The following NCBP3 variants were observed in gnomAD, a reference collection of about 807,000 sequenced individuals.
NCBP3 encodes the protein nuclear cap-binding protein subunit 3.
In NCBP3, 20 loss-of-function variants were observed where a neutral mutation model predicts 75.7. That is an observed-to-expected ratio of 0.26 (90% CI 0.19 to 0.38). The LOEUF (loss-of-function observed/expected upper bound fraction) is 0.38. Ranked by LOEUF, NCBP3 falls within the 10% of genes least tolerant of loss-of-function variation. The pLI is 1.00. For missense variants in NCBP3, 678 were observed against 796.9 expected, an observed-to-expected ratio of 0.85 and a Z score of 1.80; for synonymous variants, 293 against 290.5, an observed-to-expected ratio of 1.01 and a Z score of -0.09.
intron 1 of NCBP3, among the ~76,000 whole-genome samples, chr17:3,845,176 T>C (rs527779018): frequency 2.0e-5 from 3 of 152,312 alleles, no homozygotes; most frequent in South Asian, 4.1e-4. Context: ...TAGTGAATGG[T>C]AAATGCTACT....
Position 3,825,841 on chromosome 17 carries a change from T to C in NCBP3, c.613A>G (p.Lys205Glu). Residue 205 changes from lysine to glutamate, a missense_variant and splice_region_variant, in exon 6 of 13, where the codon AAG becomes GAG. Lys to Glu is a moderately conservative substitution (Grantham distance 56). Around this residue, in one of 7 missense-constraint regions of NCBP3, gnomAD observed 98 missense variants for 101.8 expected, o/e 0.96. Coordinates refer to ENST00000389005, the MANE Select transcript of NCBP3 (RefSeq NM_001114118.3). ...DKSAEKRKKD[K>E]QEDSSDDDEA... Reference sequence around the variant, plus strand: ...TCATCATCTGAACTGTCTTCCTGCTTGTCTAAAATGGAATGTGAAGGACAA... The same window carrying C: ...TCATCATCTGAACTGTCTTCCTGCTCGTCTAAAATGGAATGTGAAGGACAA... 1 of 1,550,758 alleles carries C rather than the reference T, an allele frequency of 6.4e-7. No individual in the cohort carries two copies. Among genetic ancestry groups the C allele is most frequent in the Non-Finnish European group, 8.7e-7 (1 of 1,146,484 alleles).
rs1597394080 is a variant in NCBP3 at position 3,816,360 on chromosome 17, A to C, written c.1311-90T>G. The stretch of plus-strand genomic sequence containing the variant: ...ACAATCTCATACTTTGGAGGAAACA[A>C]TTTAAGAAATCCTGTCTTACATGGC... On this transcript the variant is annotated intron_variant, in intron 10 of 12. Coordinates refer to ENST00000389005, the MANE Select transcript of NCBP3 (RefSeq NM_001114118.3). The C allele has an allele frequency of 6.8e-6, 8 of 1,174,034 alleles. No homozygotes were observed. In the East Asian group the frequency reaches 2.0e-4, roughly 29 times the overall value. The allele number at this position is 1,174,034 out of a possible 1,614,324, so 72.7% of individuals were successfully genotyped here.
At chr17:3,832,430 A>C (rs2053896303) in intron 3 of NCBP3, among the ~76,000 whole-genome samples, 1 of 117,866 alleles carries the variant, frequency 8.5e-6, no homozygotes, top group Admixed American at 8.5e-5. Context: ...TCAGATCGAG[A>C]CCATCCTGGC....
In NCBP3 at chr17:3,829,231, G is replaced by C. The variant is rs778876808; in HGVS notation, c.481+12C>G. On this transcript the variant is annotated intron_variant, in intron 4 of 12. Coordinates refer to ENST00000389005, the MANE Select transcript of NCBP3 (RefSeq NM_001114118.3). Reference sequence around the variant, plus strand: ...ACAAAAGCATATTCACAGGAAACTCGGGTGTACTTACAGGAGGTATCATCC... The same window carrying C: ...ACAAAAGCATATTCACAGGAAACTCCGGTGTACTTACAGGAGGTATCATCC... The C allele has an allele frequency of 1.3e-6, 2 of 1,550,766 alleles. No individual in the cohort carries two copies. The highest frequency in any genetic ancestry group is 1.7e-6 in the Non-Finnish European group (2 of 1,146,578).
chr17:3,814,584 G>A lies in NCBP3; in HGVS notation c.1466-101C>T, dbSNP rs984873918. ...CGGATCTGGCGCTAACCCCTGCCCC[G>A]AGGACACAGGGCCTGACAATCAGGC... is the stretch of plus-strand genomic sequence containing the variant. On this transcript the variant is annotated intron_variant, in intron 11 of 12. Transcript: ENST00000389005. The A allele has an allele frequency of 1.1e-4, 125 of 1,181,800 alleles. 1 individual carries two copies. The East Asian group carries it at 1.5e-3, about 14-fold the overall frequency. 73.2% of individuals were successfully genotyped at this position (1,181,800 alleles called of 1,614,324 possible).
intron 10 of NCBP3, among the ~76,000 whole-genome samples, chr17:3,817,522 G>A (rs1266378226): frequency 2.0e-5 from 3 of 152,112 alleles, no homozygotes; most frequent in Admixed American, 1.3e-4. Flanking sequence ...CCAGCTACTC[G>A]GGAGGCTGAG....
chr17:3,829,466 T>G, intron 3 of NCBP3, 98 bp from the exon 4 acceptor site: 1 of 1,321,968 alleles, frequency 7.6e-7, no homozygotes, highest in Non-Finnish European at 1.0e-6. Context: ...AACACGAGTT[T>G]AGAAAGAAAC....
intron 12 of NCBP3, among the ~76,000 whole-genome samples, chr17:3,813,818 C>T (rs1460317878): frequency 6.6e-6 from 1 of 152,086 alleles, no homozygotes; most frequent in African/African-American, 2.4e-5. Flanking sequence ...CGCCCACCAC[C>T]ACGCCCGGCT....
rs993696038 is a variant in NCBP3 at position 3,825,982 on chromosome 17, T to C, written c.610+105A>G. 13 of 1,454,954 alleles carry C rather than the reference T, an allele frequency of 8.9e-6. No homozygotes were observed. In the African/African-American group the frequency reaches 1.7e-4, roughly 19 times the overall value. The allele number at this position is 1,454,954 out of a possible 1,614,324, so 90.1% of individuals were successfully genotyped here. On this transcript the variant is annotated intron_variant, in intron 5 of 12. Transcript: ENST00000389005. ...GATGATCTCAAGCATCATAGATTAG[T>C]TCAGAAACACTTGGTGATGAGATGC...
intron 2 of NCBP3, among the ~76,000 whole-genome samples, chr17:3,841,222 G>A (rs776012567): frequency 1.6e-4 from 24 of 152,120 alleles, no homozygotes; most frequent in Middle Eastern, 3.2e-3. Flanking sequence ...TGATCTGCCT[G>A]CCTCGGCCTC....
Position 3,837,556 on chromosome 17 carries a change from A to T in NCBP3, c.355+2544T>A, listed in dbSNP as rs951081111. ...GAGGTCAGGAGGTCAGGAGCTTGAA[A>T]CCCTGTCTCTACTAAAAAATACAAA... On this transcript the variant is annotated intron_variant, in intron 3 of 12. Coordinates refer to ENST00000389005, the MANE Select transcript of NCBP3 (RefSeq NM_001114118.3). 4.7e-5 allele frequency among the ~76,000 whole-genome samples: 7 copies of T among 150,530 alleles called. No individual in the cohort carries two copies. The East Asian group carries it at 5.9e-4, about 13-fold the overall frequency.
rs2053315921 is a variant in NCBP3, at chr17:3,804,426, T to C, written c.*8618A>G. The C allele has an allele frequency of 6.6e-6, 1 of 152,214 alleles. No individual in the cohort carries two copies. Among genetic ancestry groups the C allele is most frequent in the South Asian group, 2.1e-4 (1 of 4,822 alleles). 9.4% of individuals were successfully genotyped at this position (152,214 alleles called of 1,614,324 possible). A position where few individuals can be genotyped will look rare whatever the true frequency, so the allele number is the denominator to read the frequency against. On this transcript the variant is annotated 3_prime_UTR_variant, in exon 13 of 13. Transcript: ENST00000389005. ...AGCCAGGCGTGGCAGCGTGTGCCTG[T>C]AGCCCCAGCTTCGGGAGGCTATGGT...
intron 6 of NCBP3, 82 bp from the exon 7 acceptor site, chr17:3,825,132 G>C: frequency 1.4e-6 from 1 of 710,328 alleles, no homozygotes; most frequent in Non-Finnish European, 2.3e-6. Context: ...ATTAAGAAAA[G>C]CATTCTACCT....
rs997852529 is a variant in NCBP3, at chr17:3,804,699, C to A, written c.*8345G>T. On this transcript the variant is annotated 3_prime_UTR_variant, in exon 13 of 13. Transcript: ENST00000389005. ...TGACGGCATTGCTGAGACCAGAGCC[C>A]AGGGCTGCAGAGCAGTGGTACTCAC... 6.6e-6 allele frequency: 1 copy of A among 152,274 alleles called. No homozygotes were observed. The highest frequency in any genetic ancestry group is 1.5e-5 in the Non-Finnish European group (1 of 68,104). 9.4% of individuals were successfully genotyped at this position (152,274 alleles called of 1,614,324 possible).
chr17:3,829,356 A>G lies in NCBP3; in HGVS notation c.368T>C (p.Val123Ala). 6.4e-7 allele frequency: 1 copy of G among 1,551,808 alleles called. No homozygotes were observed. Among genetic ancestry groups the G allele is most frequent in the Non-Finnish European group, 8.7e-7 (1 of 1,146,930 alleles). The change falls in exon 4 of 13, where the codon GTG becomes GCG. Residue 123 changes from valine to alanine, a missense_variant. Physicochemically the swap from Val to Ala is moderately conservative, Grantham distance 64. This residue lies in a region of NCBP3 where 40 missense variants were observed against 41.3 expected (regional missense o/e 0.97). Transcript: ENST00000389005. ...RDMMKKAIPKVRLETIYICGV... is the reference protein window; with the variant it reads ...RDMMKKAIPKARLETIYICGV... The stretch of plus-strand genomic sequence containing the variant: ...GCAAATATAGATTGTCTCCAGTCTC[A>G]CCTTGGGGATTGCTAGAAAGACAAG...
chr17:3,826,531 C>T (rs955975373), intron 4 of NCBP3, among the ~76,000 whole-genome samples: 17 of 151,036 alleles, frequency 1.1e-4, no homozygotes, highest in Non-Finnish European at 1.9e-4. Flanking sequence ...CTTGGGAGGC[C>T]GAGGTGGGAG....
In NCBP3 at chr17:3,806,985, T is replaced by C. The variant is rs1023968412; in HGVS notation, c.*6059A>G. 8 of 152,236 alleles carry C rather than the reference T, an allele frequency of 5.3e-5. 1 individual carries two copies. Among genetic ancestry groups the C allele is most frequent in the African/African-American group, 1.9e-4 (8 of 41,464 alleles). 9.4% of individuals were successfully genotyped at this position (152,236 alleles called of 1,614,324 possible). A position where few individuals can be genotyped will look rare whatever the true frequency, so the allele number is the denominator to read the frequency against. On this transcript the variant is annotated 3_prime_UTR_variant, in exon 13 of 13. Coordinates refer to ENST00000389005, the MANE Select transcript of NCBP3 (RefSeq NM_001114118.3). Reference sequence around the variant, plus strand: ...CGAACTTATTTGTGTAGCAACTAATTCATCTGTGAAGCCATGGTTTGCTGT... The same window carrying C: ...CGAACTTATTTGTGTAGCAACTAATCCATCTGTGAAGCCATGGTTTGCTGT...
At chr17:3,815,183 T>TA (rs2053506368) in intron 11 of NCBP3, among the ~76,000 whole-genome samples, 1 of 152,208 alleles carries the variant, frequency 6.6e-6, no homozygotes, top group African/African-American at 2.4e-5. Flanking sequence ...AGGCTCTTGT[T>TA]ACTTTTTTAA....
chr17:3,830,751 C>T (rs111296575), intron 3 of NCBP3, among the ~76,000 whole-genome samples: 6 of 152,188 alleles, frequency 3.9e-5, no homozygotes, highest in African/African-American at 1.2e-4. Flanking sequence ...CCACACCCGG[C>T]TAATTTTGTA....
Sources: allele counts gnomAD v4.1 joint callset (sites outside exome capture counted in the v4.1 genomes callset), GRCh38; gene constraint gnomAD v4.1.1; regional missense constraint gnomAD v4.1.1; transcripts MANE v1.5; gene names NCBI Gene and HGNC (gene_info 2026-07-23, HGNC 2026-07-21).